Variants in C3 observed in about 807,000 individuals in gnomAD.
C3 encodes C3 and PZP-like alpha-2-macroglobulin domain-containing protein 1.
A neutral mutation model predicts 207.9 loss-of-function variants in C3; 97 were observed. The ratio of observed to expected loss-of-function variants is 0.47; its 90% CI spans 0.40 to 0.55. C3 has a LOEUF of 0.55. Among genes scored for constraint, C3 ranks in the 20% least tolerant of loss-of-function variants. The probability of loss-of-function intolerance (pLI) is 0.00; values close to 1 mark genes in which losing one functional copy is unlikely to be tolerated. For missense variants in C3, 1,684 were observed against 2,171.7 expected (o/e 0.78, Z 4.46); for synonymous variants, 848 against 857.6 (o/e 0.99, Z 0.20).
In C3 at chr19:6,689,339, C is replaced by T. The variant is rs142473167; in HGVS notation, c.3489+1290G>A. ...TCTCTCTCTACCTACCTCCCTCCCT[C>T]CCTCCCTCCCTCCCTCCCTCCCTCT... On this transcript the variant is annotated intron_variant, in intron 27 of 40. Transcript: ENST00000245907. 7.4e-5 allele frequency among the ~76,000 whole-genome samples: 4 copies of T among 53,940 alleles called. No individual in the cohort carries two copies. In the East Asian group the frequency reaches 1.4e-3, roughly 19 times the overall value. 35.4% of individuals were successfully genotyped at this position (53,940 alleles called of 152,430 possible). A position where few individuals can be genotyped will look rare whatever the true frequency, so the allele number is the denominator to read the frequency against.
chr19:6,707,030 C>A (rs780189015), intron 17 of C3, 46 bp downstream of exon 17: 15 of 1,464,842 alleles, frequency 1.0e-5, no homozygotes, highest in South Asian at 1.2e-5. Flanking sequence ...AGTCTCCTCC[C>A]CCATCAGACG....
At chr19:6,686,649 G>A (rs546760301) in intron 28 of C3, 97 bp downstream of exon 28, 65 of 1,319,986 alleles carry the variant, frequency 4.9e-5, no homozygotes, top group East Asian at 3.7e-4. Context: ...AGGGTCATCT[G>A]TCCCAGCTCA....
At chr19:6,690,831 G>C in intron 26 of C3, 104 bp from the exon 27 acceptor site, 1 of 855,986 alleles carries the variant, frequency 1.2e-6, no homozygotes, top group South Asian at 1.4e-5. Flanking sequence ...GCAGGGCTGA[G>C]TCTCTTCTAG....
At chr19:6,710,455 GA>G (rs1967892551) in intron 13 of C3, among the ~76,000 whole-genome samples, 183 bp downstream of exon 13, 1 of 139,874 alleles carries the variant, frequency 7.1e-6, no homozygotes, top group African/African-American at 2.7e-5. Flanking sequence ...GAGAGGGAAA[GA>G]GAGATAAAAA....
intron 23 of C3, 50 bp from the exon 24 acceptor site, chr19:6,694,684 C>T: frequency 6.4e-7 from 1 of 1,562,176 alleles, no homozygotes. Flanking sequence ...GGTGACCCAC[C>T]TTGGGGTGGC....
chr19:6,705,002 GT>G (rs1394365161), intron 17 of C3, among the ~76,000 whole-genome samples: 1 of 151,958 alleles, frequency 6.6e-6, no homozygotes, highest in African/African-American at 2.4e-5. Flanking sequence ...GCCTCCCAAA[GT>G]GCTGGGATCA....
intron 13 of C3, 115 bp from the exon 14 acceptor site, chr19:6,709,957 G>T: frequency 1.1e-6 from 1 of 881,796 alleles, no homozygotes; most frequent in East Asian, 2.7e-5. Context: ...GAGCCGTGGG[G>T]CTGGGGAGGG....
rs756603380 is a variant in C3 at position 6,684,852 on chromosome 19, A to T, written c.3970-18T>A. ...TCCTTGGTCTGCAGAGTGAAAAGAGAGAAGAGAGCATGTTGGGAATTAAGC... is the reference window on the plus strand; with the variant it reads ...TCCTTGGTCTGCAGAGTGAAAAGAGTGAAGAGAGCATGTTGGGAATTAAGC... On this transcript the variant is annotated intron_variant, in intron 30 of 40. Coordinates refer to ENST00000245907, the MANE Select transcript of C3 (RefSeq NM_000064.4). 6.2e-7 allele frequency: 1 copy of T among 1,613,860 alleles called. No individual in the cohort carries two copies. The highest frequency in any genetic ancestry group is 8.5e-7 in the Non-Finnish European group (1 of 1,179,802).
rs1047554865 is a variant in C3 at position 6,718,310 on chromosome 19, T to C, written c.370A>G (p.Ser124Gly). 4.3e-6 allele frequency: 7 copies of C among 1,614,138 alleles called. No homozygotes were observed. The highest frequency in any genetic ancestry group is 5.9e-6 in the Non-Finnish European group (7 of 1,180,046). Residue 124 changes from serine to glycine, a missense_variant, in exon 3 of 41, where the codon AGC becomes GGC. Ser to Gly is a moderately conservative substitution (Grantham distance 56). This residue lies in a region of C3 where 1,280 missense variants were observed against 1,739.1 expected (regional missense o/e 0.74). Coordinates refer to ENST00000245907, the MANE Select transcript of C3 (RefSeq NM_000064.4). ...ATGAAGAGGTACCCGCTCTGCAGGC[T>C]GACCAGCACCACCTTCTCCACCACT... ...TQVVEKVVLV[S>G]LQSGYLFIQT...
chr19:6,719,751 C>T lies in C3; in HGVS notation c.75-348G>A, dbSNP rs958302705. On this transcript the variant is annotated intron_variant, in intron 1 of 40. Transcript: ENST00000245907. The surrounding 1 kb of genome is among the most constrained non-coding windows in gnomAD (Gnocchi z 5.4). ...ACTTCCAGACCCACAATCGCCTAAA[C>T]CCACACATGCCCCAAACCCTAAACC... Among the ~76,000 whole-genome samples the T allele has an allele frequency of 1.3e-5, 2 of 152,110 alleles. No individual in the cohort carries two copies. The highest frequency in any genetic ancestry group is 2.9e-5 in the Non-Finnish European group (2 of 68,016).
intron 33 of C3, chr19:6,682,649 TG>T (rs11569552): frequency 0.032 from 7,503 of 232,370 alleles, 161 homozygotes; most frequent in South Asian, 0.041. Flanking sequence ...GTATAAACTT[TG>T]TTGCTAACTC....
At chr19:6,704,510 A>G (rs908188150) in intron 17 of C3, among the ~76,000 whole-genome samples, 1 of 152,046 alleles carries the variant, frequency 6.6e-6, no homozygotes, top group Non-Finnish European at 1.5e-5. Flanking sequence ...TGTAATCCCA[A>G]TACTTTGGGA....
rs775393829 is a variant in C3, at chr19:6,710,756, G to A, written c.1569C>T (p.Thr523=). The stretch of plus-strand genomic sequence containing the variant: ...CCAGGCGGAAGGAAGGGATGAAGTC[G>A]GTGGTGATGGACAGGGGCAGCACCA... ...DLVVLPLSIT[T]DFIPSFRLVA... The change falls in exon 13 of 41, where the codon ACC becomes ACT. Residue 523 remains threonine, a synonymous_variant. Transcript: ENST00000245907. 9 of 1,613,778 alleles carry A rather than the reference G, an allele frequency of 5.6e-6. No individual in the cohort carries two copies. Among genetic ancestry groups the A allele is most frequent in the South Asian group, 1.1e-5 (1 of 91,094 alleles).
In C3 at chr19:6,719,848, C is replaced by A. The variant is rs1456855942; in HGVS notation, c.75-445G>T. Among the ~76,000 whole-genome samples, 1 of 152,126 alleles carries A rather than the reference C, an allele frequency of 6.6e-6. No homozygotes were observed. Among genetic ancestry groups the A allele is most frequent in the Non-Finnish European group, 1.5e-5 (1 of 68,024 alleles). On this transcript the variant is annotated intron_variant, in intron 1 of 40. Transcript: ENST00000245907. This position sits in a 1 kb window ranked among gnomAD's most constrained non-coding sequence, Gnocchi z 5.4. The stretch of plus-strand genomic sequence containing the variant: ...ACACCCTCAACTCTACCTACCCAAA[C>A]CCACATACGCCAAAACCTCTAAACC...
rs975037127 is a variant in C3 at position 6,719,419 on chromosome 19, A to T, written c.75-16T>A. On this transcript the variant is annotated splice_polypyrimidine_tract_variant and intron_variant, in intron 1 of 40. Coordinates refer to ENST00000245907, the MANE Select transcript of C3 (RefSeq NM_000064.4). The surrounding 1 kb of genome is among the most constrained non-coding windows in gnomAD (Gnocchi z 5.4). ...GATAGAGTACCTGTCGGAGTGGGGC[A>T]CGGGAGTGGGCTTGTCATTCCACGG... 6.2e-6 allele frequency: 10 copies of T among 1,612,152 alleles called. No homozygotes were observed. The highest frequency in any genetic ancestry group is 6.8e-6 in the Non-Finnish European group (8 of 1,178,450).
rs780373381 is a variant in C3, at chr19:6,685,097, G to A, written c.3860C>T (p.Pro1287Leu). 1 of 1,614,090 alleles carries A rather than the reference G, an allele frequency of 6.2e-7. No individual in the cohort carries two copies. The highest frequency in any genetic ancestry group is 2.2e-5 in the East Asian group (1 of 44,884). ...ATCAAGGTTCAGTTCCTGGTGGTCA[G>A]GGGCGTCCTTTTGGTATTGAGCCAA... ...QALAQYQKDA[P>L]DHQELNLDVS... Residue 1287 changes from proline to leucine, a missense_variant, in exon 30 of 41, where the codon CCT (proline) becomes CTT (leucine). Pro to Leu is a moderately conservative substitution (Grantham distance 98, BLOSUM62 -3). This residue lies in a region of C3 where 1,280 missense variants were observed against 1,739.1 expected (regional missense o/e 0.74). Transcript: ENST00000245907.
intron 26 of C3, 66 bp from the exon 27 acceptor site, chr19:6,690,793 C>T (rs563564677): frequency 4.0e-6 from 5 of 1,262,982 alleles, no homozygotes; most frequent in Admixed American, 3.6e-5. Context: ...GTCATCCCCC[C>T]TTGCAGATTC....
At position 6,688,894 on chromosome 19, in the gene C3, C is replaced by A. The variant is rs79751570; in HGVS notation, c.3489+1735G>T. ...CTTAGCTGATTGGTCCAGATATAGTCATCTGACCCAGGCTGAGCCAATCAG... is the reference window on the plus strand; with the variant it reads ...CTTAGCTGATTGGTCCAGATATAGTAATCTGACCCAGGCTGAGCCAATCAG... On this transcript the variant is annotated intron_variant, in intron 27 of 40. Coordinates refer to ENST00000245907, the MANE Select transcript of C3 (RefSeq NM_000064.4). 3.0e-3 allele frequency among the ~76,000 whole-genome samples: 457 copies of A among 152,296 alleles called. 8 individuals are homozygous for A. In the East Asian group the frequency reaches 0.039, roughly 13 times the overall value.
In C3 at chr19:6,686,232, G is replaced by A. The variant is rs754607975; in HGVS notation, c.3702C>T (p.Ser1234=). ...GKQLYNVEAT[S]YALLALLQLK... Reference sequence around the variant, plus strand: ...GCTGCAGTAGGGCCAAGAGGGCATAGGATGTGGCCTCCACGTTGTAGAGCT... The same window carrying A: ...GCTGCAGTAGGGCCAAGAGGGCATAAGATGTGGCCTCCACGTTGTAGAGCT... The change falls in exon 29 of 41, where the codon TCC becomes TCT. Residue 1234 remains serine, a synonymous_variant. Transcript: ENST00000245907. The A allele has an allele frequency of 2.7e-5, 43 of 1,614,034 alleles. No homozygotes were observed. The highest frequency in any genetic ancestry group is 2.5e-4 in the African/African-American group (19 of 74,930).
Sources: allele counts gnomAD v4.1 joint callset (sites outside exome capture counted in the v4.1 genomes callset), GRCh38; gene constraint gnomAD v4.1.1; regional missense constraint gnomAD v4.1.1; non-coding constraint Gnocchi (gnomAD v3.1); transcripts MANE v1.5; gene names NCBI Gene and HGNC (gene_info 2026-07-23, HGNC 2026-07-21).